Variants in ADAP1 observed in about 807,000 individuals in gnomAD.
The protein encoded by ADAP1 is ArfGAP with dual PH domains 1, also known as arf-GAP with dual PH domain-containing protein 1.
ADAP1 carries 31 observed loss-of-function variants against 54.9 expected under a neutral mutation model. The observed-to-expected ratio is 0.56, with a 90% CI of 0.42 to 0.76. The LOEUF is 0.76. Ranked by LOEUF, ADAP1 falls within the 30% of genes least tolerant of loss-of-function variation. The pLI is 0.00. For missense variants in ADAP1, 535 were observed against 512.4 expected, an observed-to-expected ratio of 1.04 and a Z score of -0.42; for synonymous variants, 313 against 202.6, an observed-to-expected ratio of 1.55 and a Z score of -4.63.
At chr7:932,889 G>T (rs1846628918) in intron 2 of ADAP1, among the ~76,000 whole-genome samples, 1 of 152,158 alleles carries the variant, frequency 6.6e-6, no homozygotes, top group Non-Finnish European at 1.5e-5. Flanking sequence ...GGTCGCCCTG[G>T]GTGGGTCAGG....
At chr7:909,699 C>A (rs1484872675) in intron 4 of ADAP1, among the ~76,000 whole-genome samples, 1 of 152,246 alleles carries the variant, frequency 6.6e-6, no homozygotes, top group African/African-American at 2.4e-5. Flanking sequence ...ACGGCAGCGT[C>A]CTGGACAGCC....
At chr7:911,034 C>G (rs1053753886) in intron 4 of ADAP1, among the ~76,000 whole-genome samples, 5 of 152,194 alleles carry the variant, frequency 3.3e-5, no homozygotes, top group Non-Finnish European at 5.9e-5. Flanking sequence ...CACCCACGCT[C>G]TCCGACCCAT....
chr7:902,454 G>A (rs368842542), intron 6 of ADAP1, among the ~76,000 whole-genome samples: 1 of 6,882 alleles, frequency 1.5e-4, no homozygotes. Flanking sequence ...GCGAAACTCT[G>A]CCTCAAAAAA....
intron 5 of ADAP1, 28 bp downstream of exon 5, chr7:905,032 C>G (rs775728239): frequency 6.3e-7 from 1 of 1,591,562 alleles, no homozygotes; most frequent in African/African-American, 1.3e-5. Flanking sequence ...TGGGACAGGC[C>G]CCCACCCCAC....
intron 4 of ADAP1, among the ~76,000 whole-genome samples, chr7:911,581 C>T (rs890240368): frequency 1.5e-4 from 21 of 143,328 alleles, no homozygotes; most frequent in Non-Finnish European, 2.9e-4. Context: ...GGGGGTCCCA[C>T]GGAGGGCCAG....
intron 4 of ADAP1, among the ~76,000 whole-genome samples, chr7:907,052 C>A (rs1198058941): frequency 2.0e-5 from 3 of 152,100 alleles, no homozygotes; most frequent in Non-Finnish European, 2.9e-5. Context: ...CTGGCCTCCT[C>A]CCTCCTCCCT....
intron 4 of ADAP1, 104 bp downstream of exon 4, chr7:919,864 G>C (rs563460528): frequency 2.9e-5 from 15 of 515,614 alleles, no homozygotes; most frequent in African/African-American, 1.1e-4. Flanking sequence ...AGAGATGGGG[G>C]AGGGAGGGAA....
intron 4 of ADAP1, 107 bp from the exon 5 acceptor site, chr7:905,279 C>T (rs866500505): frequency 1.2e-5 from 4 of 342,372 alleles, no homozygotes; most frequent in African/African-American, 1.3e-4. Flanking sequence ...ACACGGGGGA[C>T]ACGGACGGGG....
At chr7:947,820 C>T (rs1360474183) in intron 1 of ADAP1, among the ~76,000 whole-genome samples, 1 of 152,092 alleles carries the variant, frequency 6.6e-6, no homozygotes, top group Non-Finnish European at 1.5e-5. Flanking sequence ...TCCCATGGTT[C>T]CCATCCCACC....
intron 4 of ADAP1, among the ~76,000 whole-genome samples, chr7:918,075 C>T (rs1006575065): frequency 3.3e-5 from 5 of 152,138 alleles, no homozygotes; most frequent in Admixed American, 2.0e-4. Context: ...TACAGGTGTG[C>T]GCCAACCGTG....
At chr7:931,097 C>T (rs1039460230) in intron 2 of ADAP1, among the ~76,000 whole-genome samples, 4 of 142,206 alleles carry the variant, frequency 2.8e-5, no homozygotes, top group South Asian at 4.5e-4. Flanking sequence ...GAAGGAAGGA[C>T]GGAGGGACGG....
intron 4 of ADAP1, among the ~76,000 whole-genome samples, chr7:910,149 G>T (rs75064306): frequency 0.014 from 2,061 of 152,340 alleles, 38 homozygotes; most frequent in African/African-American, 0.046. Flanking sequence ...CCCAGTCCCT[G>T]GAAAGCAGCC....
chr7:898,919 C>A lies in ADAP1; in HGVS notation c.*2G>T. 7 of 1,603,746 alleles carry A rather than the reference C, an allele frequency of 4.4e-6. No homozygotes were observed. The highest frequency in any genetic ancestry group is 2.3e-5 in the East Asian group (1 of 44,148). ...ATGTCCGTGGTCCTCCAGCCGCACT[C>A]GCTAAGGTTTATGCTTGAAGTGCGC... On this transcript the variant is annotated 3_prime_UTR_variant, in exon 11 of 11. Transcript: ENST00000265846.
chr7:947,219 T>TTG (rs1562938214), intron 1 of ADAP1, among the ~76,000 whole-genome samples: 1 of 145,314 alleles, frequency 6.9e-6, no homozygotes, highest in East Asian at 2.0e-4. Context: ...TTTTGGTTTT[T>TTG]TTTTTTTTTT....
intron 1 of ADAP1, among the ~76,000 whole-genome samples, chr7:941,321 A>G (rs1846934143): frequency 6.6e-6 from 1 of 152,240 alleles, no homozygotes; most frequent in African/African-American, 2.4e-5. Flanking sequence ...CAATAAGGCA[A>G]TATAAAGAAA....
At chr7:947,017 G>C (rs895218077) in intron 1 of ADAP1, among the ~76,000 whole-genome samples, 2 of 152,012 alleles carry the variant, frequency 1.3e-5, no homozygotes. Flanking sequence ...CATATGAATT[G>C]CACCTCGATT....
intron 1 of ADAP1, among the ~76,000 whole-genome samples, chr7:953,983 G>A (rs1001694513): frequency 5.9e-5 from 9 of 152,192 alleles, no homozygotes; most frequent in African/African-American, 1.2e-4. Flanking sequence ...CCCCGGAGCC[G>A]GCGGACCCCA....
chr7:900,882 AAGGGCCGGGCCG>A (rs1436528988), intron 6 of ADAP1: 24 of 370,166 alleles, frequency 6.5e-5, no homozygotes, highest in Non-Finnish European at 1.1e-4. Flanking sequence ...CGAAGGGCCG[AAGGGCCGGGCCG>A]GGCCGGGCTG....
chr7:952,136 G>A (rs774245110), intron 1 of ADAP1, among the ~76,000 whole-genome samples: 1 of 152,156 alleles, frequency 6.6e-6, no homozygotes, highest in Non-Finnish European at 1.5e-5. Context: ...AGGCTCTCTG[G>A]GTGGCCGCCG....
Sources: allele counts gnomAD v4.1 joint callset (sites outside exome capture counted in the v4.1 genomes callset), GRCh38; gene constraint gnomAD v4.1.1; transcripts MANE v1.5; gene names NCBI Gene and HGNC (gene_info 2026-07-23, HGNC 2026-07-21).